THSD7B: variants seen among roughly 807,000 people sequenced by gnomAD.
THSD7B encodes the protein thrombospondin type-1 domain-containing protein 7B.
In THSD7B, 138 loss-of-function variants were observed where a neutral mutation model predicts 213.6. The observed-to-expected ratio is 0.65, with a 90% CI of 0.56 to 0.74. THSD7B has a LOEUF of 0.74. THSD7B is among the 30% of genes least tolerant of loss of function. The probability of loss-of-function intolerance (pLI) is 0.00; values close to 1 mark genes in which losing one functional copy is unlikely to be tolerated. For missense variants in THSD7B, 1,931 were observed against 1,991.5 expected, an observed-to-expected ratio of 0.97 and a Z score of 0.58; for synonymous variants, 742 against 687.0, an observed-to-expected ratio of 1.08 and a Z score of -1.25.
intron 15 of THSD7B, among the ~76,000 whole-genome samples, chr2:137,540,905 C>T (rs940961834): frequency 2.0e-5 from 3 of 151,650 alleles, no homozygotes; most frequent in Non-Finnish European, 4.4e-5. Context: ...TAGGGCTGTG[C>T]ACACACTTAG....
At chr2:137,485,967 G>A (rs1306627065) in intron 15 of THSD7B, among the ~76,000 whole-genome samples, 1 of 152,050 alleles carries the variant, frequency 6.6e-6, no homozygotes, top group African/African-American at 2.4e-5. Context: ...TCACCACCAG[G>A]CCTGCCCTAA....
chr2:137,510,424 G>C (rs1679937696), intron 15 of THSD7B, among the ~76,000 whole-genome samples: 1 of 151,668 alleles, frequency 6.6e-6, no homozygotes, highest in Non-Finnish European at 1.5e-5. Context: ...TATTATATCT[G>C]TGCATTATAA....
chr2:137,360,372 G>A (rs1685225620), intron 12 of THSD7B, among the ~76,000 whole-genome samples: 1 of 152,118 alleles, frequency 6.6e-6, no homozygotes, highest in African/African-American at 2.4e-5. Context: ...GGTCAGACAG[G>A]GTGCACCCTA....
intron 7 of THSD7B, among the ~76,000 whole-genome samples, chr2:137,195,251 T>TATAC (rs34357255): frequency 0.013 from 1,915 of 150,056 alleles, 24 homozygotes; most frequent in African/African-American, 0.041. Flanking sequence ...TATATATATA[T>TATAC]ACACACACAC....
At chr2:137,641,275 C>T (rs1682932755) in intron 20 of THSD7B, among the ~76,000 whole-genome samples, 1 of 152,166 alleles carries the variant, frequency 6.6e-6, no homozygotes, top group Non-Finnish European at 1.5e-5. Context: ...CTTTGCACCT[C>T]ACCATCTCTT....
intron 7 of THSD7B, among the ~76,000 whole-genome samples, chr2:137,220,543 C>T (rs1382837878): frequency 1.3e-5 from 2 of 152,304 alleles, no homozygotes; most frequent in African/African-American, 2.4e-5. Flanking sequence ...ATACCAAGTG[C>T]TATTAAGGGT....
intron 12 of THSD7B, among the ~76,000 whole-genome samples, chr2:137,361,056 T>G (rs966624039): frequency 4.6e-5 from 7 of 152,212 alleles, no homozygotes; most frequent in African/African-American, 1.7e-4. Flanking sequence ...TTTGCTATTC[T>G]GCAGACTCTG....
chr2:136,820,195 C>G (rs758186443), intron 1 of THSD7B, among the ~76,000 whole-genome samples: 10 of 152,188 alleles, frequency 6.6e-5, no homozygotes, highest in Non-Finnish European at 1.3e-4. Flanking sequence ...ATCCCTAACA[C>G]CTCAAACGGT....
chr2:137,435,741 G>T (rs752737560), intron 14 of THSD7B, among the ~76,000 whole-genome samples: 1 of 152,062 alleles, frequency 6.6e-6, no homozygotes, highest in African/African-American at 2.4e-5. Context: ...GCCCAGGGAT[G>T]GATACACAGG....
At chr2:137,108,171 A>G (rs1337161490) in intron 4 of THSD7B, among the ~76,000 whole-genome samples, 1 of 152,232 alleles carries the variant, frequency 6.6e-6, no homozygotes, top group East Asian at 1.9e-4. Flanking sequence ...TCAATCTGTC[A>G]TCATTAAATC....
intron 5 of THSD7B, among the ~76,000 whole-genome samples, chr2:137,139,989 A>T (rs1363468388): frequency 6.6e-6 from 1 of 152,120 alleles, no homozygotes; most frequent in African/African-American, 2.4e-5. Context: ...ATGTGTTATT[A>T]TAAAAATTTA....
At chr2:137,559,117 A>G (rs1681049681) in intron 15 of THSD7B, among the ~76,000 whole-genome samples, 1 of 152,224 alleles carries the variant, frequency 6.6e-6, no homozygotes, top group Admixed American at 6.5e-5. Flanking sequence ...AAGAATCAAT[A>G]TCGTGAAAAT....
chr2:136,909,956 A>G (rs1036383449), intron 2 of THSD7B, among the ~76,000 whole-genome samples: 4 of 152,112 alleles, frequency 2.6e-5, no homozygotes, highest in Non-Finnish European at 5.9e-5. Context: ...TAGCCTAGGA[A>G]TGTGGTTGGC....
chr2:137,466,853 G>C (rs1291761514), intron 15 of THSD7B, among the ~76,000 whole-genome samples: 1 of 152,124 alleles, frequency 6.6e-6, no homozygotes, highest in Non-Finnish European at 1.5e-5. Context: ...CATAAAGACA[G>C]AGCTTCTTTT....
intron 7 of THSD7B, among the ~76,000 whole-genome samples, chr2:137,211,414 C>T (rs1016416254): frequency 9.6e-6 from 1 of 103,834 alleles, no homozygotes; most frequent in African/African-American, 3.4e-5. Flanking sequence ...GTCTCACACT[C>T]AAGATTTTCT....
chr2:136,976,470 A>C (rs1008550868), intron 2 of THSD7B, among the ~76,000 whole-genome samples: 2 of 152,118 alleles, frequency 1.3e-5, no homozygotes, highest in African/African-American at 4.8e-5. Flanking sequence ...GATGAGTTAC[A>C]TTTATTGATT....
chr2:137,252,483 G>A (rs1387942541), intron 10 of THSD7B, among the ~76,000 whole-genome samples: 1 of 152,016 alleles, frequency 6.6e-6, no homozygotes, highest in Non-Finnish European at 1.5e-5. Context: ...TTATTTATTT[G>A]TAGAGATGGG....
chr2:137,008,643 A>G (rs1471564150), intron 2 of THSD7B, among the ~76,000 whole-genome samples: 4 of 152,166 alleles, frequency 2.6e-5, no homozygotes, highest in Non-Finnish European at 5.9e-5. Flanking sequence ...GTAAAGAGAT[A>G]AAACTCCTAT....
chr2:137,652,523 G>A (rs1038729834), intron 21 of THSD7B, among the ~76,000 whole-genome samples: 46 of 152,116 alleles, frequency 3.0e-4, no homozygotes, highest in African/African-American at 1.1e-3. Flanking sequence ...GACACTCTAT[G>A]TCTTTTAAAT....
Sources: allele counts gnomAD v4.1 joint callset (sites outside exome capture counted in the v4.1 genomes callset), GRCh38; gene constraint gnomAD v4.1.1; transcripts MANE v1.5; gene names NCBI Gene and HGNC (gene_info 2026-07-23, HGNC 2026-07-21).